MID1: variants seen among roughly 807,000 people sequenced by gnomAD.
MID1 encodes the protein E3 ubiquitin-protein ligase Midline-1.
A neutral mutation model predicts 40.4 loss-of-function variants in MID1; 7 were observed. The observed-to-expected ratio is 0.17, with a 90% confidence interval of 0.10 to 0.33. The LOEUF (loss-of-function observed/expected upper bound fraction) is 0.33. Among genes scored for constraint, MID1 ranks in the 10% least tolerant of loss-of-function variants. MID1 has a pLI of 1.00. For synonymous variants in MID1, 229 were observed against 221.2 expected (o/e 1.04, Z -0.31); for missense variants, 367 against 558.5 (o/e 0.66, Z 3.46).
At chrX:10,779,686 T>A (rs1378940207) in intron 1 of MID1, among the ~76,000 whole-genome samples, 1 of 111,040 alleles carries the variant, frequency 9.0e-6, no homozygotes, top group African/African-American at 3.3e-5. Context: ...GAAGAGTGAA[T>A]GGAAGGTAGG....
rs1275327951 is a variant in MID1 at position 10,786,775 on chromosome X, C to G, written c.-187+46779G>C. Among the ~76,000 whole-genome samples, 3 of 88,731 alleles carry G rather than the reference C, an allele frequency of 3.4e-5. No homozygotes were observed. The Admixed American group carries it at 4.7e-4, about 14-fold the overall frequency. The allele number at this position is 88,731 out of a possible 115,157, so 77.1% of individuals were successfully genotyped here. A position where few individuals can be genotyped will look rare whatever the true frequency, so the allele number is the denominator to read the frequency against. On this transcript the variant is annotated intron_variant, in intron 1 of 10. Transcript: ENST00000380785. The stretch of plus-strand genomic sequence containing the variant: ...AGGTGGGAATTGAACAATGAGAACA[C>G]ATGGACACAGGAAGGGGAACATCAC...
intron 1 of MID1, among the ~76,000 whole-genome samples, chrX:10,665,247 C>G (rs1207038548): frequency 8.9e-6 from 1 of 112,283 alleles, no homozygotes; most frequent in Non-Finnish European, 1.9e-5. Context: ...ATCTCCAAAA[C>G]CATATGAATA....
intron 1 of MID1, among the ~76,000 whole-genome samples, chrX:10,704,939 T>G (rs2043219609): frequency 9.1e-6 from 1 of 109,375 alleles, no homozygotes; most frequent in Non-Finnish European, 1.9e-5. Context: ...AATTTTTGTA[T>G]TTTTAGTAGA....
At chrX:10,499,715 C>A (rs1268214976) in intron 3 of MID1, among the ~76,000 whole-genome samples, 1 of 112,084 alleles carries the variant, frequency 8.9e-6, no homozygotes, top group African/African-American at 3.2e-5. Context: ...TGTCTGAGAA[C>A]CTTTGTCAAA....
intron 5 of MID1, among the ~76,000 whole-genome samples, chrX:10,479,836 C>T (rs1336005910): frequency 8.9e-6 from 1 of 111,879 alleles, no homozygotes; most frequent in Non-Finnish European, 1.9e-5. Context: ...ATACTGATTT[C>T]GTTTCTTTTG....
chrX:10,542,814 T>C (rs1933524859), intron 2 of MID1, among the ~76,000 whole-genome samples: 1 of 112,057 alleles, frequency 8.9e-6, no homozygotes, highest in Admixed American at 9.5e-5. Context: ...TCAGGTCACA[T>C]TAGAAGGCAA....
chrX:10,462,430 T>C (rs1272434384), intron 7 of MID1, among the ~76,000 whole-genome samples: 1 of 111,660 alleles, frequency 9.0e-6, no homozygotes, highest in Non-Finnish European at 1.9e-5. Context: ...TTCTCTGCCT[T>C]GACACCCCAC....
chrX:10,708,774 A>G (rs964794016), intron 1 of MID1, among the ~76,000 whole-genome samples: 1 of 112,049 alleles, frequency 8.9e-6, no homozygotes, highest in African/African-American at 3.2e-5. Context: ...TCAGAAACAA[A>G]GGGTATATCC....
At position 10,465,206 on chromosome X, in the gene MID1, TATATATATAC is replaced by T. The variant is rs1366835761; in HGVS notation, c.1285+4481_1285+4490del. On this transcript the variant is annotated intron_variant, in intron 7 of 9. Coordinates refer to ENST00000317552, the MANE Select transcript of MID1 (RefSeq NM_000381.4). ...GAAATTTTATATATATATATATATA[TATATATATAC>T]ACACACACACACACACACACACACA... Among the ~76,000 whole-genome samples, 131 of 68,692 alleles carry T rather than the reference TATATATATAC, an allele frequency of 1.9e-3. 1 individual carries two copies. The highest frequency in any genetic ancestry group is 8.9e-3 in the African/African-American group (124 of 13,934). The allele number at this position is 68,692 out of a possible 115,157, so 59.7% of individuals were successfully genotyped here. A position where few individuals can be genotyped will look rare whatever the true frequency, so the allele number is the denominator to read the frequency against.
At chrX:10,553,576 C>T (rs941947249) in intron 2 of MID1, among the ~76,000 whole-genome samples, 3 of 111,799 alleles carry the variant, frequency 2.7e-5, no homozygotes, top group African/African-American at 6.5e-5. Context: ...TATAAATTTA[C>T]ATTTTTAGCC....
chrX:10,489,977 G>T (rs1216805364), intron 4 of MID1, among the ~76,000 whole-genome samples: 3 of 111,689 alleles, frequency 2.7e-5, no homozygotes, highest in African/African-American at 9.8e-5. Context: ...TTATAGGTGT[G>T]AGCCACCGCA....
At chrX:10,675,442 G>A (rs2043016387) in intron 1 of MID1, among the ~76,000 whole-genome samples, 1 of 111,044 alleles carries the variant, frequency 9.0e-6, no homozygotes, top group South Asian at 3.8e-4. Context: ...TCTCAGCTAT[G>A]AGGAAAGGCT....
chrX:10,670,267 T>C (rs1026903675), intron 1 of MID1, among the ~76,000 whole-genome samples: 2 of 112,228 alleles, frequency 1.8e-5, no homozygotes, highest in Non-Finnish European at 3.8e-5. Flanking sequence ...CCTGGTGATC[T>C]GGCTATAAAA....
chrX:10,706,898 T>C (rs2043235304), intron 1 of MID1, among the ~76,000 whole-genome samples: 5 of 111,909 alleles, frequency 4.5e-5, no homozygotes, highest in African/African-American at 1.6e-4. Context: ...AAACAGGGTG[T>C]ACCGTGCATT....
At chrX:10,818,077 A>G (rs1366352230) in intron 1 of MID1, among the ~76,000 whole-genome samples, 1 of 112,529 alleles carries the variant, frequency 8.9e-6, no homozygotes, top group Non-Finnish European at 1.9e-5. Flanking sequence ...CTCTATCGAA[A>G]TAACATCTTC....
rs1031831202 is a variant in MID1 at position 10,774,492 on chromosome X, A to G, written c.-187+59062T>C. 4.5e-4 allele frequency among the ~76,000 whole-genome samples: 50 copies of G among 110,153 alleles called. 4 individuals carry two copies. The highest frequency in any genetic ancestry group is 3.9e-3 in the Admixed American group (40 of 10,142). On this transcript the variant is annotated intron_variant, in intron 1 of 10. Coordinates refer to the MID1 transcript ENST00000380785. ...AGGACCCTAACCCTATGCTTGACAG[A>G]TAACTCATATCTAATAAGTATTGAT... is the stretch of plus-strand genomic sequence containing the variant.
intron 2 of MID1, among the ~76,000 whole-genome samples, chrX:10,526,108 A>C (rs1311653740): frequency 8.9e-6 from 1 of 112,310 alleles, no homozygotes; most frequent in African/African-American, 3.2e-5. Context: ...GAAAACCAAC[A>C]AGAAACCTTC....
chrX:10,671,737 G>GAAGT (rs759525946), intron 1 of MID1, among the ~76,000 whole-genome samples: 1 of 111,168 alleles, frequency 9.0e-6, no homozygotes, highest in East Asian at 2.8e-4. Flanking sequence ...GATTCTCTCA[G>GAAGT]AAGTCATGTT....
chrX:10,743,489 A>G (rs992859522), intron 1 of MID1, among the ~76,000 whole-genome samples: 1 of 112,192 alleles, frequency 8.9e-6, no homozygotes, highest in Non-Finnish European at 1.9e-5. Flanking sequence ...GGATCTTAAC[A>G]ACTGTGTTTA....
Sources: gnomAD v4.1 joint callset for allele counts (sites outside exome capture counted in the v4.1 genomes callset) on GRCh38, gnomAD v4.1.1 for gene constraint, MANE v1.5 for transcripts, NCBI Gene and HGNC (gene_info 2026-07-23, HGNC 2026-07-21) for gene names.